Variants in HSDL2 observed in about 807,000 individuals in gnomAD.
The protein encoded by HSDL2 is hydroxysteroid dehydrogenase like 2.
Under a neutral mutation model 46.3 loss-of-function variants are expected in HSDL2, and 27 were observed. The observed-to-expected ratio is 0.58, with a 90% CI of 0.43 to 0.80. The LOEUF is 0.80. Among genes scored for constraint, HSDL2 ranks in the 30% least tolerant of loss-of-function variants. The pLI, the probability that HSDL2 is intolerant of heterozygous loss-of-function variation, is 0.00. For missense variants in HSDL2, 451 were observed against 502.7 expected (o/e 0.90, Z 0.98); for synonymous variants, 153 against 163.6 (o/e 0.94, Z 0.50).
intron 8 of HSDL2, among the ~76,000 whole-genome samples, chr9:112,451,709 C>T (rs953682987): frequency 4.6e-5 from 7 of 150,996 alleles, no homozygotes; most frequent in African/African-American, 1.7e-4. Context: ...TAATACTGAC[C>T]TCACATAATT....
At chr9:112,429,314 C>T (rs570973812) in intron 6 of HSDL2, among the ~76,000 whole-genome samples, 9 of 152,308 alleles carry the variant, frequency 5.9e-5, no homozygotes, top group Middle Eastern at 3.4e-3. Flanking sequence ...ACTATCTACT[C>T]GGTGCAAGGC....
At chr9:112,410,222 A>G (rs1369098420) in intron 4 of HSDL2, among the ~76,000 whole-genome samples, 1 of 152,144 alleles carries the variant, frequency 6.6e-6, no homozygotes, top group Non-Finnish European at 1.5e-5. Context: ...CCATTTATTT[A>G]TCTGTTTATT....
chr9:112,405,382 C>CT (rs924266726), intron 2 of HSDL2, among the ~76,000 whole-genome samples: 1 of 152,000 alleles, frequency 6.6e-6, no homozygotes, highest in African/African-American at 2.4e-5. Context: ...AAAAAACTTC[C>CT]TTTTTTTAGC....
At chr9:112,390,318 G>A (rs1831313252) in intron 1 of HSDL2, among the ~76,000 whole-genome samples, 1 of 152,054 alleles carries the variant, frequency 6.6e-6, no homozygotes, top group Admixed American at 6.6e-5. Flanking sequence ...TTATGACAGA[G>A]CTGATATTGA....
chr9:112,415,615 G>A (rs777003204), intron 4 of HSDL2, among the ~76,000 whole-genome samples: 1 of 152,174 alleles, frequency 6.6e-6, no homozygotes, highest in African/African-American at 2.4e-5. Flanking sequence ...TAGGGAGGCA[G>A]AATTTGGGAT....
chr9:112,397,443 T>C (rs1831482469), intron 1 of HSDL2, among the ~76,000 whole-genome samples: 1 of 152,210 alleles, frequency 6.6e-6, no homozygotes, highest in African/African-American at 2.4e-5. Flanking sequence ...TTCAACAGCA[T>C]CTTGTAATTT....
In HSDL2 at chr9:112,470,760, G is replaced by C; in HGVS notation, c.*216G>C. Reference sequence around the variant, plus strand: ...ATTAAGTGGGATTCTAAGACAGTCTGTGTTTTTATATTTCAAGGGTTTAAC... The same window carrying C: ...ATTAAGTGGGATTCTAAGACAGTCTCTGTTTTTATATTTCAAGGGTTTAAC... On this transcript the variant is annotated 3_prime_UTR_variant, in exon 11 of 11. Transcript: ENST00000398805. The C allele has an allele frequency of 1.1e-5, 4 of 357,976 alleles. No homozygotes were observed. The highest frequency in any genetic ancestry group is 1.0e-4 in the South Asian group (2 of 19,970). 22.2% of individuals were successfully genotyped at this position (357,976 alleles called of 1,614,324 possible).
intron 1 of HSDL2, among the ~76,000 whole-genome samples, chr9:112,391,992 T>A (rs372784030): frequency 6.6e-6 from 1 of 152,320 alleles, no homozygotes; most frequent in East Asian, 1.9e-4. Flanking sequence ...ACATAGGTTC[T>A]TTCTATTTTC....
chr9:112,442,568 G>C (rs1267779466), intron 8 of HSDL2, among the ~76,000 whole-genome samples: 1 of 152,070 alleles, frequency 6.6e-6, no homozygotes, highest in Non-Finnish European at 1.5e-5. Flanking sequence ...CCTTGAATTG[G>C]TCCAGAGTTT....
intron 6 of HSDL2, among the ~76,000 whole-genome samples, chr9:112,420,695 C>T (rs968442140): frequency 5.3e-5 from 8 of 151,990 alleles, no homozygotes; most frequent in African/African-American, 9.7e-5. Flanking sequence ...CCCTTTGTCC[C>T]GAGAATACTC....
At chr9:112,431,619 C>T (rs1832404551) in intron 6 of HSDL2, among the ~76,000 whole-genome samples, 2 of 152,112 alleles carry the variant, frequency 1.3e-5, no homozygotes, top group South Asian at 4.1e-4. Context: ...TTAGCACCAT[C>T]CTCCTTGGTA....
At chr9:112,465,348 C>T (rs367562054) in intron 10 of HSDL2, among the ~76,000 whole-genome samples, 18 of 152,156 alleles carry the variant, frequency 1.2e-4, no homozygotes, top group African/African-American at 4.3e-4. Flanking sequence ...AGGCTGGTCT[C>T]GAACTCCTGA....
chr9:112,419,814 T>C (rs986512632), intron 6 of HSDL2, among the ~76,000 whole-genome samples: 4 of 152,148 alleles, frequency 2.6e-5, no homozygotes, highest in Non-Finnish European at 5.9e-5. Context: ...TTTACAGTTA[T>C]GATATAACAG....
At chr9:112,404,203 T>C in intron 2 of HSDL2, 45 bp downstream of exon 2, 1 of 1,571,170 alleles carries the variant, frequency 6.4e-7, no homozygotes, top group Non-Finnish European at 8.7e-7. Context: ...TCTAGTGGTT[T>C]CAATACATAG....
At chr9:112,408,478 G>A (rs1440931649) in intron 3 of HSDL2, among the ~76,000 whole-genome samples, 1 of 152,182 alleles carries the variant, frequency 6.6e-6, no homozygotes, top group African/African-American at 2.4e-5. Context: ...GTATAGCCAT[G>A]CATTGCTTAA....
At chr9:112,397,677 T>G (rs941680791) in intron 1 of HSDL2, among the ~76,000 whole-genome samples, 1 of 152,164 alleles carries the variant, frequency 6.6e-6, no homozygotes, top group Non-Finnish European at 1.5e-5. Context: ...CCAATTTAGC[T>G]GAGCCTGCAG....
intron 7 of HSDL2, among the ~76,000 whole-genome samples, chr9:112,439,533 A>G (rs1299970232): frequency 6.6e-6 from 1 of 152,176 alleles, no homozygotes; most frequent in Non-Finnish European, 1.5e-5. Context: ...ACCATATAGA[A>G]TATGATGTAT....
intron 9 of HSDL2, among the ~76,000 whole-genome samples, 157 bp from the exon 10 acceptor site, chr9:112,459,292 C>G (rs1369185364): frequency 6.6e-6 from 1 of 152,188 alleles, no homozygotes; most frequent in African/African-American, 2.4e-5. Flanking sequence ...AATACCTGGA[C>G]GTGCTTAATA....
At chr9:112,410,382 A>G (rs1831833277) in intron 4 of HSDL2, among the ~76,000 whole-genome samples, 1 of 152,118 alleles carries the variant, frequency 6.6e-6, no homozygotes, top group Admixed American at 6.5e-5. Flanking sequence ...AAATCTTAAC[A>G]CTCACCCCTC....
Sources: gnomAD v4.1 joint callset for allele counts (sites outside exome capture counted in the v4.1 genomes callset) on GRCh38, gnomAD v4.1.1 for gene constraint, MANE v1.5 for transcripts, NCBI Gene and HGNC (gene_info 2026-07-23, HGNC 2026-07-21) for gene names.